Variants in SLC22A3 observed in about 807,000 individuals in gnomAD.
SLC22A3 encodes EMT organic cation transporter 3.
SLC22A3 carries 51 observed loss-of-function variants against 59.1 expected under a neutral mutation model. The ratio of observed to expected loss-of-function variants is 0.86; its 90% CI spans 0.69 to 1.09. The LOEUF (loss-of-function observed/expected upper bound fraction) is 1.09. Ranked by LOEUF, SLC22A3 falls within the 50% of genes least tolerant of loss-of-function variation. The probability of loss-of-function intolerance (pLI) is 0.00; values close to 1 mark genes in which losing one functional copy is unlikely to be tolerated. For synonymous variants in SLC22A3, 325 were observed against 292.0 expected, an observed-to-expected ratio of 1.11 and a Z score of -1.15; for missense variants, 711 against 726.3, an observed-to-expected ratio of 0.98 and a Z score of 0.24.
In SLC22A3 at chr6:160,410,713, C is replaced by T. The variant is rs1159467935; in HGVS notation, c.858-16C>T. ...AATTCCTAGACATAACTCACAACAG[C>T]CTCCTTCTTTGCCAGGGTGGTCCCT... On this transcript the variant is annotated splice_polypyrimidine_tract_variant and intron_variant, in intron 4 of 10. Transcript: ENST00000275300. 6.6e-7 allele frequency: 1 copy of T among 1,524,878 alleles called. No homozygotes were observed. The highest frequency in any genetic ancestry group is 1.4e-5 in the African/African-American group (1 of 73,162). The allele number at this position is 1,524,878 out of a possible 1,614,324, so 94.5% of individuals were successfully genotyped here. A position where few individuals can be genotyped will look rare whatever the true frequency, so the allele number is the denominator to read the frequency against.
At chr6:160,358,152 G>T (rs957157789) in intron 1 of SLC22A3, among the ~76,000 whole-genome samples, 4 of 152,292 alleles carry the variant, frequency 2.6e-5, no homozygotes, top group Middle Eastern at 3.4e-3. Flanking sequence ...GTTTAGTGTA[G>T]TGTATTGCTA....
At chr6:160,401,760 C>T (rs1480271826) in intron 2 of SLC22A3, among the ~76,000 whole-genome samples, 1 of 151,862 alleles carries the variant, frequency 6.6e-6, no homozygotes, top group Non-Finnish European at 1.5e-5. Flanking sequence ...ATAAGGTACT[C>T]ATACTACTCA....
intron 1 of SLC22A3, among the ~76,000 whole-genome samples, chr6:160,363,057 T>G (rs1785075682): frequency 6.6e-6 from 1 of 152,148 alleles, no homozygotes; most frequent in Non-Finnish European, 1.5e-5. Context: ...GGGCAGCTAT[T>G]TCAGGCAGAC....
At chr6:160,409,502 A>T (rs368092344) in intron 4 of SLC22A3, among the ~76,000 whole-genome samples, 13 of 144,412 alleles carry the variant, frequency 9.0e-5, no homozygotes, top group African/African-American at 2.6e-4. Context: ...GTGTCTTTAT[A>T]GCAGCATGAT....
At chr6:160,448,156 T>C (rs996309465) in intron 10 of SLC22A3, among the ~76,000 whole-genome samples, 1 of 152,172 alleles carries the variant, frequency 6.6e-6, no homozygotes, top group African/African-American at 2.4e-5. Flanking sequence ...ATTAACAGTG[T>C]GGCTTACTCT....
chr6:160,439,311 CTTCTG>C (rs1788459759), intron 7 of SLC22A3, among the ~76,000 whole-genome samples: 1 of 152,086 alleles, frequency 6.6e-6, no homozygotes, highest in Admixed American at 6.6e-5. Context: ...GAGATGAAGT[CTTCTG>C]TTCTCATCGT....
intron 2 of SLC22A3, among the ~76,000 whole-genome samples, chr6:160,400,655 AACACACACACAC>A (rs55746106): frequency 2.0e-5 from 3 of 149,268 alleles, no homozygotes; most frequent in African/African-American, 7.4e-5. Context: ...TAAAAGCCAA[AACACACACACAC>A]ACACACACAC....
chr6:160,413,730 G>T (rs1238395332), intron 5 of SLC22A3, among the ~76,000 whole-genome samples: 36 of 152,084 alleles, frequency 2.4e-4, no homozygotes, highest in Non-Finnish European at 1.5e-5. Flanking sequence ...GCAAAGATGG[G>T]GCCATGGTAT....
chr6:160,424,215 C>T (rs1787865962), intron 5 of SLC22A3, among the ~76,000 whole-genome samples: 1 of 152,068 alleles, frequency 6.6e-6, no homozygotes, highest in African/African-American at 2.4e-5. Flanking sequence ...GATCCACAAA[C>T]CATTAGCAAC....
intron 1 of SLC22A3, among the ~76,000 whole-genome samples, chr6:160,364,568 C>T (rs1785139568): frequency 6.6e-6 from 1 of 152,194 alleles, no homozygotes; most frequent in African/African-American, 2.4e-5. Context: ...AATCGTTTCT[C>T]AGTAAGGCAC....
chr6:160,350,354 A>G (rs1019708226), intron 1 of SLC22A3, among the ~76,000 whole-genome samples: 2 of 152,216 alleles, frequency 1.3e-5, no homozygotes, highest in Non-Finnish European at 2.9e-5. Flanking sequence ...ACAGCCAGGC[A>G]ATACATATGT....
intron 1 of SLC22A3, among the ~76,000 whole-genome samples, chr6:160,364,171 T>C (rs1224969814): frequency 1.3e-5 from 2 of 152,138 alleles, no homozygotes; most frequent in Non-Finnish European, 2.9e-5. Context: ...GAAATGTTGA[T>C]GACATATTAA....
intron 10 of SLC22A3, among the ~76,000 whole-genome samples, chr6:160,450,551 G>A (rs1462154511): frequency 6.6e-6 from 1 of 152,134 alleles, no homozygotes; most frequent in Admixed American, 6.5e-5. Context: ...AGCTTACAAA[G>A]ATAACAGGAT....
At chr6:160,384,910 T>C (rs1314649218) in intron 1 of SLC22A3, among the ~76,000 whole-genome samples, 1 of 152,240 alleles carries the variant, frequency 6.6e-6, no homozygotes, top group Non-Finnish European at 1.5e-5. Flanking sequence ...GCTCCTCTTC[T>C]TGTCTCACAG....
At chr6:160,422,528 A>G (rs1281827361) in intron 5 of SLC22A3, among the ~76,000 whole-genome samples, 1 of 152,240 alleles carries the variant, frequency 6.6e-6, no homozygotes, top group African/African-American at 2.4e-5. Context: ...CGTGCGGCCC[A>G]TGCAACACAG....
intron 5 of SLC22A3, among the ~76,000 whole-genome samples, chr6:160,431,876 C>T (rs934563224): frequency 1.3e-5 from 2 of 152,152 alleles, no homozygotes; most frequent in Non-Finnish European, 1.5e-5. Flanking sequence ...TTCACTGGCT[C>T]GTGTGTCTGG....
intron 1 of SLC22A3, among the ~76,000 whole-genome samples, chr6:160,371,722 G>C (rs1029540906): frequency 1.3e-5 from 2 of 152,038 alleles, no homozygotes; most frequent in South Asian, 4.2e-4. Flanking sequence ...TGGGTCAAGT[G>C]GTATTTCTGG....
intron 10 of SLC22A3, among the ~76,000 whole-genome samples, chr6:160,448,652 T>C (rs1052801674): frequency 6.6e-6 from 1 of 150,402 alleles, no homozygotes; most frequent in Admixed American, 6.8e-5. Flanking sequence ...AGGAGTAATG[T>C]CAAGAAAAAT....
intron 5 of SLC22A3, among the ~76,000 whole-genome samples, chr6:160,423,589 A>G (rs1787837675): frequency 6.6e-6 from 1 of 152,188 alleles, no homozygotes; most frequent in Non-Finnish European, 1.5e-5. Context: ...AGTGATGATG[A>G]GCATTTTTTC....
Sources: allele counts gnomAD v4.1 joint callset (sites outside exome capture counted in the v4.1 genomes callset), GRCh38; gene constraint gnomAD v4.1.1; transcripts MANE v1.5; gene names NCBI Gene and HGNC (gene_info 2026-07-23, HGNC 2026-07-21).